SCG3: variants seen among roughly 807,000 people sequenced by gnomAD.
SCG3 encodes the protein secretogranin III.
In SCG3, 38 loss-of-function variants were observed where a neutral mutation model predicts 56.2. The ratio of observed to expected loss-of-function variants is 0.68; its 90% CI spans 0.52 to 0.89. The LOEUF (loss-of-function observed/expected upper bound fraction) is 0.89. Among genes scored for constraint, SCG3 ranks in the 40% least tolerant of loss-of-function variants. The pLI, the probability that SCG3 is intolerant of heterozygous loss-of-function variation, is 0.00. For synonymous variants in SCG3, 176 were observed against 184.2 expected, an observed-to-expected ratio of 0.96 and a Z score of 0.36; for missense variants, 524 against 540.7, an observed-to-expected ratio of 0.97 and a Z score of 0.31.
chr15:51,713,659 T>C (rs2141581952), intron 11 of SCG3, among the ~76,000 whole-genome samples: 1 of 152,322 alleles, frequency 6.6e-6, no homozygotes, highest in East Asian at 1.9e-4. Flanking sequence ...CAAGCAAACG[T>C]AGAACGAATA....
chr15:51,717,764 G>T (rs2055467680), intron 11 of SCG3, among the ~76,000 whole-genome samples: 1 of 152,172 alleles, frequency 6.6e-6, no homozygotes, highest in Admixed American at 6.5e-5. Flanking sequence ...GCCTCCACGT[G>T]TTCACCTATC....
At position 51,713,432 on chromosome 15, in the gene SCG3, G is replaced by C. The variant is rs1206160400; in HGVS notation, c.1288+19G>C. ...AAAGAAGGTAGGACCAAGTGTGGTT[G>C]TACATTGCAAACTTCACCCATTTGT... On this transcript the variant is annotated intron_variant, in intron 11 of 11. Coordinates refer to ENST00000220478, the MANE Select transcript of SCG3 (RefSeq NM_013243.4). The C allele has an allele frequency of 6.7e-7, 1 of 1,499,376 alleles. No individual in the cohort carries two copies. The highest frequency in any genetic ancestry group is 2.0e-5 in the Admixed American group (1 of 48,982). 92.9% of individuals were successfully genotyped at this position (1,499,376 alleles called of 1,614,324 possible).
At chr15:51,695,575 A>G (rs148396241) in intron 7 of SCG3, 1 of 202,270 alleles carries the variant, frequency 4.9e-6, no homozygotes, top group African/African-American at 2.3e-5. Context: ...AGCTATAAAT[A>G]TAGAGAAAAA....
At chr15:51,713,692 C>T (rs774263284) in intron 11 of SCG3, among the ~76,000 whole-genome samples, 1 of 152,194 alleles carries the variant, frequency 6.6e-6, no homozygotes, top group Non-Finnish European at 1.5e-5. Flanking sequence ...CCTGTGTCTC[C>T]AGCACCCATC....
chr15:51,709,516 ATATC>A (rs111622184), intron 10 of SCG3, among the ~76,000 whole-genome samples: 5,908 of 151,394 alleles, frequency 0.039, 303 homozygotes, highest in East Asian at 0.11. Context: ...TGGATGTAGT[ATATC>A]TATCACATTT....
chr15:51,704,724 C>T (rs549064248), intron 10 of SCG3, among the ~76,000 whole-genome samples: 121 of 135,418 alleles, frequency 8.9e-4, no homozygotes, highest in Middle Eastern at 4.2e-3. Context: ...TGTCTATGGA[C>T]GCTTGGGTTG....
At position 51,704,244 on chromosome 15, in the gene SCG3, CATATAT is replaced by C. The variant is rs750951935; in HGVS notation, c.1207+3030_1207+3035del. 5.6e-3 allele frequency among the ~76,000 whole-genome samples: 413 copies of C among 73,626 alleles called. 4 individuals carry two copies. Among genetic ancestry groups the C allele is most frequent in the African/African-American group, 0.013 (275 of 20,970 alleles). The allele number at this position is 73,626 out of a possible 152,430, so 48.3% of individuals were successfully genotyped here. On this transcript the variant is annotated intron_variant, in intron 10 of 11. Coordinates refer to ENST00000220478, the MANE Select transcript of SCG3 (RefSeq NM_013243.4). ...ATATGTGTGTATACATACATACATA[CATATAT>C]ATATATATATATATATATATATATA...
intron 4 of SCG3, among the ~76,000 whole-genome samples, chr15:51,687,975 T>C (rs1210330690): frequency 6.6e-6 from 1 of 152,232 alleles, no homozygotes; most frequent in African/African-American, 2.4e-5. Context: ...ATGGTTTGTA[T>C]TATTGGTGAT....
intron 10 of SCG3, chr15:51,707,983 CAGGACAGCATAGTAGAGGA>C: frequency 6.6e-6 from 1 of 152,158 alleles, no homozygotes; most frequent in Non-Finnish European, 1.5e-5. Context: ...GGGAGAGAGT[CAGGACAGCATAGTAGAGGA>C]AGGACAAATT....
At chr15:51,713,303 T>G in intron 10 of SCG3, 30 bp from the exon 11 acceptor site, 1 of 1,392,880 alleles carries the variant, frequency 7.2e-7, no homozygotes, top group Non-Finnish European at 1.0e-6. Context: ...ATTTCCTGAG[T>G]GTTTGATATA....
rs2055225529 is a variant in SCG3, at chr15:51,685,857, G to A, written c.398-2403G>A. Among the ~76,000 whole-genome samples, 5 of 152,300 alleles carry A rather than the reference G, an allele frequency of 3.3e-5. No homozygotes were observed. The South Asian group carries it at 1.0e-3, about 32-fold the overall frequency. On this transcript the variant is annotated intron_variant, in intron 4 of 11. Transcript: ENST00000220478. ...TATAAAGTAGTGCTTTGGGGCTCCT[G>A]TATGCATTCGAATATTTATTGAGCA...
intron 4 of SCG3, among the ~76,000 whole-genome samples, chr15:51,687,912 A>G (rs10519321): frequency 0.021 from 3,223 of 152,336 alleles, 91 homozygotes; most frequent in East Asian, 0.095. Context: ...GGTACATTGA[A>G]TAATATGACA....
intron 8 of SCG3, among the ~76,000 whole-genome samples, chr15:51,696,213 T>C (rs910890677): frequency 2.0e-5 from 3 of 152,232 alleles, no homozygotes; most frequent in African/African-American, 7.2e-5. Flanking sequence ...ATTAATTGTC[T>C]CATTAGCATT....
At chr15:51,692,402 T>C (rs2055273815) in intron 7 of SCG3, 66 bp downstream of exon 7, 1 of 1,398,712 alleles carries the variant, frequency 7.1e-7, no homozygotes, top group African/African-American at 1.4e-5. Context: ...TATGGGTGTG[T>C]TCTTTTCTTC....
rs1425281425 is a variant in SCG3 at position 51,688,245 on chromosome 15, G to T, written c.398-15G>T. ...TATGATCACTATGGTGTGAAGTTGT[G>T]GTCGTTCTGTCTAGATGATCCAGAT... On this transcript the variant is annotated splice_polypyrimidine_tract_variant and intron_variant, in intron 4 of 11. Coordinates refer to ENST00000220478, the MANE Select transcript of SCG3 (RefSeq NM_013243.4). 1.2e-6 allele frequency: 2 copies of T among 1,606,214 alleles called. No individual in the cohort carries two copies. The highest frequency in any genetic ancestry group is 2.7e-5 in the African/African-American group (2 of 74,714).
intron 8 of SCG3, among the ~76,000 whole-genome samples, chr15:51,698,569 A>G (rs1485211942): frequency 6.6e-6 from 1 of 152,218 alleles, no homozygotes; most frequent in African/African-American, 2.4e-5. Flanking sequence ...CTTAAGCAAG[A>G]AAGGAATTTA....
chr15:51,696,080 G>C, intron 8 of SCG3, 89 bp downstream of exon 8: 1 of 761,804 alleles, frequency 1.3e-6, no homozygotes, highest in Non-Finnish European at 2.3e-6. Context: ...TCATTAATTT[G>C]ATAATTTATG....
intron 11 of SCG3, among the ~76,000 whole-genome samples, chr15:51,718,684 C>T (rs759794564): frequency 1.3e-5 from 2 of 152,050 alleles, no homozygotes; most frequent in African/African-American, 4.8e-5. Flanking sequence ...AGCCTCCTTA[C>T]CTGGAAATCT....
At position 51,689,309 on chromosome 15, in the gene SCG3, G is replaced by A; in HGVS notation, c.631G>A (p.Asp211Asn). The change falls in exon 6 of 12, where the codon GAT (aspartate) becomes AAT (asparagine). Residue 211 changes from aspartate to asparagine, a missense_variant. Coordinates refer to ENST00000220478, the MANE Select transcript of SCG3 (RefSeq NM_013243.4). ...AAAGGAAGCCAACAATTATGAGGAG[G>A]ATCCCAATAAGCCCACAAGCTGGAC... The part of the protein sequence containing the change: ...ISKEANNYEE[D>N]PNKPTSWTEN... 1 of 1,613,756 alleles carries A rather than the reference G, an allele frequency of 6.2e-7. No homozygotes were observed. The highest frequency in any genetic ancestry group is 8.5e-7 in the Non-Finnish European group (1 of 1,179,934).
Sources: gnomAD v4.1 joint callset for allele counts (sites outside exome capture counted in the v4.1 genomes callset) on GRCh38, gnomAD v4.1.1 for gene constraint, MANE v1.5 for transcripts, NCBI Gene and HGNC (gene_info 2026-07-23, HGNC 2026-07-21) for gene names.